KLHL29: variants seen among roughly 807,000 people sequenced by gnomAD.
The protein encoded by KLHL29 is kelch like family member 29, also known as kelch-like protein 29.
In KLHL29, 21 loss-of-function variants were observed where a neutral mutation model predicts 80.4. The ratio of observed to expected loss-of-function variants is 0.26; its 90% confidence interval spans 0.19 to 0.38. The LOEUF is 0.38. Among genes scored for constraint, KLHL29 ranks in the 10% least tolerant of loss-of-function variants. KLHL29 has a pLI of 1.00. For missense variants in KLHL29, 867 were observed against 1,223.9 expected (o/e 0.71, Z 4.35); for synonymous variants, 511 against 526.8 (o/e 0.97, Z 0.41).
chr2:23,392,293 A>G (rs1420653712), intron 1 of KLHL29, among the ~76,000 whole-genome samples: 1 of 152,242 alleles, frequency 6.6e-6, no homozygotes, highest in African/African-American at 2.4e-5. Flanking sequence ...ATGTATATAT[A>G]TTATGTTCTG....
chr2:23,674,860 C>A (rs1396284082), intron 5 of KLHL29, among the ~76,000 whole-genome samples: 4 of 152,068 alleles, frequency 2.6e-5, no homozygotes, highest in Non-Finnish European at 5.9e-5. Context: ...GTAGGGCCAC[C>A]CTGCCCCTAA....
chr2:23,661,352 A>AG lies in KLHL29; in HGVS notation c.940+18502_940+18503insG, dbSNP rs544452174. Among the ~76,000 whole-genome samples the AG allele has an allele frequency of 2.0e-5, 3 of 151,858 alleles. No individual in the cohort carries two copies. In the South Asian group the frequency reaches 6.3e-4, roughly 32 times the overall value. On this transcript the variant is annotated intron_variant, in intron 5 of 13. Coordinates refer to ENST00000486442, the MANE Select transcript of KLHL29 (RefSeq NM_052920.2). ...TCAAGACCCTGTCTAAAAAAAAAAA[A>AG]AAAACCATGAAAAATGTTTTAACAG...
At chr2:23,434,297 G>C (rs929685665) in intron 1 of KLHL29, among the ~76,000 whole-genome samples, 3 of 142,576 alleles carry the variant, frequency 2.1e-5, no homozygotes, top group African/African-American at 8.0e-5. Flanking sequence ...CTCCAACCTG[G>C]GAGACACAGC....
chr2:23,397,866 A>T (rs1383481109), intron 1 of KLHL29, among the ~76,000 whole-genome samples: 1 of 152,276 alleles, frequency 6.6e-6, no homozygotes, highest in African/African-American at 2.4e-5. Context: ...AAGATGCTCC[A>T]CATCACTAAT....
intron 3 of KLHL29, among the ~76,000 whole-genome samples, chr2:23,608,659 A>G (rs1668785918): frequency 6.6e-6 from 1 of 152,206 alleles, no homozygotes; most frequent in Non-Finnish European, 1.5e-5. Context: ...ATGATTTTCT[A>G]AGTGCTGTGG....
chr2:23,525,370 C>G (rs1227897344), intron 2 of KLHL29, among the ~76,000 whole-genome samples: 1 of 152,254 alleles, frequency 6.6e-6, no homozygotes, highest in Non-Finnish European at 1.5e-5. Context: ...TTCCGCTACA[C>G]CACGTGGCTT....
intron 5 of KLHL29, among the ~76,000 whole-genome samples, chr2:23,655,093 G>A (rs1464094920): frequency 6.6e-6 from 1 of 152,222 alleles, no homozygotes; most frequent in African/African-American, 2.4e-5. Context: ...ATGGCTGGGT[G>A]GATGGATGGG....
chr2:23,531,007 T>G (rs1246689501), intron 2 of KLHL29, among the ~76,000 whole-genome samples: 3 of 152,218 alleles, frequency 2.0e-5, no homozygotes, highest in African/African-American at 7.2e-5. Context: ...GTGTGTGGCC[T>G]CACAGAAGGG....
At chr2:23,574,981 A>G (rs1168113289) in intron 3 of KLHL29, among the ~76,000 whole-genome samples, 2 of 152,078 alleles carry the variant, frequency 1.3e-5, no homozygotes, top group African/African-American at 4.8e-5. Flanking sequence ...CCCCCAGGGA[A>G]GGTTCCTGGG....
At chr2:23,703,125 G>C in intron 11 of KLHL29, 61 bp from the exon 12 acceptor site, 2 of 1,258,420 alleles carry the variant, frequency 1.6e-6, no homozygotes, top group Non-Finnish European at 2.1e-6. Flanking sequence ...GCCCTTGCTT[G>C]TGACCTCTGC....
At position 23,642,467 on chromosome 2, in the gene KLHL29, C is replaced by T. The variant is rs531157309; in HGVS notation, c.557C>T (p.Thr186Ile). 6.6e-6 allele frequency: 10 copies of T among 1,512,444 alleles called. No individual in the cohort carries two copies. The East Asian group carries it at 2.5e-4, about 37-fold the overall frequency. The allele number at this position is 1,512,444 out of a possible 1,614,324, so 93.7% of individuals were successfully genotyped here. A position where few individuals can be genotyped will look rare whatever the true frequency, so the allele number is the denominator to read the frequency against. Reference sequence around the variant, plus strand: ...GTCCAGGCCCCGGTCATTGGGGTGACCCCCTCACTGCCTCCCCACGTGGGG... The same window carrying T: ...GTCCAGGCCCCGGTCATTGGGGTGATCCCCTCACTGCCTCCCCACGTGGGG... Reference protein sequence around the residue: ...VNVQAPVIGVTPSLPPHVGPQ... With the variant: ...VNVQAPVIGVIPSLPPHVGPQ... The change falls in exon 5 of 14, where the codon ACC becomes ATC. Residue 186 changes from threonine to isoleucine, a missense_variant. Physicochemically the swap from Thr to Ile is moderately conservative, Grantham distance 89. Around this residue, in one of 2 missense-constraint regions of KLHL29, gnomAD observed 424 missense variants for 456.9 expected, o/e 0.93. Coordinates refer to ENST00000486442, the MANE Select transcript of KLHL29 (RefSeq NM_052920.2).
chr2:23,441,504 TAAAAG>T (rs1028055688), intron 1 of KLHL29, among the ~76,000 whole-genome samples: 17 of 142,338 alleles, frequency 1.2e-4, no homozygotes, highest in African/African-American at 4.4e-4. Context: ...TAATTAATAA[TAAAAG>T]AAATCAGAGA....
At chr2:23,560,021 G>A (rs2103495439) in intron 2 of KLHL29, among the ~76,000 whole-genome samples, 2 of 152,278 alleles carry the variant, frequency 1.3e-5, no homozygotes, top group Admixed American at 1.3e-4. Flanking sequence ...GAGGGAAGTT[G>A]AGGACAGCGG....
intron 3 of KLHL29, among the ~76,000 whole-genome samples, chr2:23,614,972 A>C (rs552092239): frequency 6.6e-6 from 1 of 152,326 alleles, no homozygotes; most frequent in East Asian, 1.9e-4. Context: ...CTCCGCCTCC[A>C]GCAAAACAAG....
intron 3 of KLHL29, among the ~76,000 whole-genome samples, chr2:23,631,029 A>T (rs1669453956): frequency 6.6e-6 from 1 of 152,188 alleles, no homozygotes; most frequent in Admixed American, 6.5e-5. Context: ...GTTTCCACTT[A>T]AAGTATTTAC....
intron 5 of KLHL29, among the ~76,000 whole-genome samples, chr2:23,676,965 A>T (rs1670941499): frequency 6.6e-6 from 1 of 152,194 alleles, no homozygotes; most frequent in Non-Finnish European, 1.5e-5. Flanking sequence ...GACTAGATCT[A>T]GGTCTCCCAG....
In KLHL29 at chr2:23,681,488, G is replaced by T. The variant is rs374815169; in HGVS notation, c.941-2911G>T. The stretch of plus-strand genomic sequence containing the variant: ...AAAGGAAGGTCTTCAGAAACCCTCA[G>T]GATGCCTCGGGCCCAGAAAGAGTAG... On this transcript the variant is annotated intron_variant, in intron 5 of 13. Transcript: ENST00000486442. This position sits in a 1 kb window ranked among gnomAD's most constrained non-coding sequence, Gnocchi z 4.2. 6.4e-4 allele frequency among the ~76,000 whole-genome samples: 98 copies of T among 152,288 alleles called. No homozygotes were observed. The highest frequency in any genetic ancestry group is 2.3e-3 in the African/African-American group (94 of 41,556).
chr2:23,639,952 C>G (rs893466307), intron 4 of KLHL29, among the ~76,000 whole-genome samples: 3 of 152,216 alleles, frequency 2.0e-5, no homozygotes, highest in Non-Finnish European at 4.4e-5. Flanking sequence ...TGCTCTGCCC[C>G]CTGCATCCCT....
intron 2 of KLHL29, among the ~76,000 whole-genome samples, chr2:23,500,185 A>G (rs1665399182): frequency 6.6e-6 from 1 of 152,214 alleles, no homozygotes; most frequent in Non-Finnish European, 1.5e-5. Flanking sequence ...TTAGCAAGGA[A>G]GGACACAGTG....
Sources: gnomAD v4.1 joint callset for allele counts (sites outside exome capture counted in the v4.1 genomes callset) on GRCh38, gnomAD v4.1.1 for gene constraint, gnomAD v4.1.1 regional missense constraint, Gnocchi (gnomAD v3.1) non-coding constraint, MANE v1.5 for transcripts, NCBI Gene and HGNC (gene_info 2026-07-23, HGNC 2026-07-21) for gene names.